The following BCORL1 variants were observed in gnomAD, a reference collection of about 807,000 sequenced individuals.
The protein encoded by BCORL1 is BCL6 corepressor like 1.
A neutral mutation model predicts 87.6 loss-of-function variants in BCORL1; 7 were observed. That is an observed-to-expected ratio of 0.08 (90% confidence interval 0.05 to 0.15). BCORL1 has a LOEUF of 0.15. Ranked by LOEUF, BCORL1 falls within the 10% of genes least tolerant of loss-of-function variation. The pLI is 1.00. For synonymous variants in BCORL1, 591 were observed against 634.4 expected (o/e 0.93, Z 1.03); for missense variants, 1,215 against 1,499.7 (o/e 0.81, Z 3.13).
chrX:130,004,242 T>G (rs899404329), intron 1 of BCORL1, among the ~76,000 whole-genome samples: 5 of 72,770 alleles, frequency 6.9e-5, no homozygotes, highest in South Asian at 6.3e-4. Flanking sequence ...AAATGTGTGG[T>G]TTTTTTTTTT....
chrX:129,985,791 A>T (rs1244501557), intron 1 of BCORL1, among the ~76,000 whole-genome samples: 1 of 111,446 alleles, frequency 9.0e-6, no homozygotes, highest in East Asian at 2.8e-4. Flanking sequence ...ATCCTGACTA[A>T]AATTGACCTT....
chrX:129,986,959 G>C (rs1201835071), intron 1 of BCORL1, among the ~76,000 whole-genome samples: 1 of 111,893 alleles, frequency 8.9e-6, no homozygotes. Context: ...CAGAATTATG[G>C]GAAAAAAGGA....
chrX:129,986,581 G>A (rs1199207735), intron 1 of BCORL1, among the ~76,000 whole-genome samples: 3 of 111,930 alleles, frequency 2.7e-5, no homozygotes, highest in Non-Finnish European at 5.6e-5. Context: ...CAGTTTGGGA[G>A]GCCAAGGCAG....
At chrX:130,041,119 C>T (rs1931279558) in intron 11 of BCORL1, among the ~76,000 whole-genome samples, 1 of 109,937 alleles carries the variant, frequency 9.1e-6, no homozygotes, top group Non-Finnish European at 1.9e-5. Context: ...GCCTGTGATC[C>T]CAGCACTTTG....
intron 4 of BCORL1, among the ~76,000 whole-genome samples, chrX:130,020,447 G>T (rs1399104824): frequency 8.9e-6 from 1 of 111,974 alleles, no homozygotes; most frequent in Non-Finnish European, 1.9e-5. Context: ...TATTTGAATT[G>T]CTCCTGTGTC....
intron 7 of BCORL1, among the ~76,000 whole-genome samples, chrX:130,025,611 C>T (rs1053750054): frequency 5.4e-5 from 6 of 111,031 alleles, no homozygotes; most frequent in African/African-American, 1.6e-4. Flanking sequence ...CCAAGCCCTC[C>T]GGTTTCTTAT....
chrX:129,993,338 A>G (rs1927325537), intron 1 of BCORL1, among the ~76,000 whole-genome samples: 1 of 112,504 alleles, frequency 8.9e-6, no homozygotes, highest in African/African-American at 3.2e-5. Context: ...TTTGAATAAT[A>G]AGAAAAAAGT....
At chrX:130,052,060 G>C in intron 13 of BCORL1, 44 bp downstream of exon 13, 1 of 1,118,909 alleles carries the variant, frequency 8.9e-7, no homozygotes, top group Non-Finnish European at 1.2e-6. Flanking sequence ...TCAGGATCCT[G>C]GCACTCAGTA....
Position 130,028,796 on chromosome X carries a change from G to A in BCORL1, c.4240G>A (p.Glu1414Lys), listed in dbSNP as rs1196447733. 6 of 1,207,160 alleles carry A rather than the reference G, an allele frequency of 5.0e-6. No individual in the cohort carries two copies. The highest frequency in any genetic ancestry group is 1.1e-6 in the Non-Finnish European group (1 of 894,726). The change falls in exon 8 of 14, where the codon GAA becomes AAA. Residue 1414 changes from glutamate to lysine, a missense_variant. Physicochemically the swap from Glu to Lys is moderately conservative, Grantham distance 56 (BLOSUM62 1). This residue lies in a region of BCORL1 where 166 missense variants were observed against 196.5 expected (regional missense o/e 0.84). Transcript: ENST00000540052. ...LEEPACLENS[E>K]KPSGKRKCKT... ...AGAGCCAGCCTGCCTTGAAAATTCAGAAAAGCCATCAGGAAAACGAAAGTG... is the reference window on the plus strand; with the variant it reads ...AGAGCCAGCCTGCCTTGAAAATTCAAAAAAGCCATCAGGAAAACGAAAGTG...
intron 8 of BCORL1, 51 bp downstream of exon 8, chrX:130,028,912 G>T (rs1200323240): frequency 8.2e-6 from 2 of 244,407 alleles, no homozygotes; most frequent in Admixed American, 1.1e-4. Context: ...CGGGGGGTCA[G>T]AGGAGGCAGG....
chrX:129,987,981 G>C (rs1244546685), intron 1 of BCORL1, among the ~76,000 whole-genome samples: 1 of 111,687 alleles, frequency 9.0e-6, no homozygotes, highest in East Asian at 2.8e-4. Context: ...AGAAGCCACT[G>C]ATGATTACAT....
At chrX:130,029,671 T>C (rs746710724) in intron 8 of BCORL1, among the ~76,000 whole-genome samples, 2 of 107,940 alleles carry the variant, frequency 1.9e-5, no homozygotes, top group Admixed American at 2.0e-4. Context: ...CTCTCTCTTT[T>C]TGAGAGTCAC....
At chrX:129,984,178 T>TGCC (rs1216669280) in intron 1 of BCORL1, among the ~76,000 whole-genome samples, 5 of 99,841 alleles carry the variant, frequency 5.0e-5, no homozygotes, top group African/African-American at 1.4e-4. Context: ...CCGCCGCCGC[T>TGCC]GCCGCCGCCG....
Position 130,012,614 on chromosome X carries a change from C to T in BCORL1, c.123C>T (p.Gly41=), listed in dbSNP as rs1412848233. ...APLSDEESTT[G]DCQHFGSQEF... is the part of the protein sequence containing the mutation. ...TTTCTGATGAGGAGTCAACGACAGG[C>T]GACTGCCAGCACTTTGGATCTCAGG... Residue 41 remains glycine (G), a synonymous_variant, in exon 3 of 14, where the codon GGC becomes GGT. Transcript: ENST00000540052. The T allele has an allele frequency of 1.1e-5, 13 of 1,209,945 alleles. No homozygotes were observed. The highest frequency in any genetic ancestry group is 5.9e-5 in the East Asian group (2 of 33,784).
chrX:130,053,576 G>A (rs895944091), intron 13 of BCORL1, among the ~76,000 whole-genome samples: 3 of 112,041 alleles, frequency 2.7e-5, no homozygotes, highest in South Asian at 3.7e-4. Flanking sequence ...GGAGGGCTGC[G>A]TGCCCCTCAG....
At chrX:130,042,026 G>T (rs1187474297) in intron 11 of BCORL1, among the ~76,000 whole-genome samples, 3 of 111,624 alleles carry the variant, frequency 2.7e-5, no homozygotes, top group Non-Finnish European at 5.6e-5. Flanking sequence ...GAGTCTTGCT[G>T]TGTTGCCCAG....
rs1252186063 is a variant in BCORL1 at position 130,051,888 on chromosome X, C to T, written c.4947C>T (p.Leu1649=). 1.7e-6 allele frequency: 2 copies of T among 1,204,170 alleles called. No individual in the cohort carries two copies. The highest frequency in any genetic ancestry group is 2.2e-6 in the Non-Finnish European group (2 of 891,917). Residue 1649 remains leucine (L), a synonymous_variant, in exon 13 of 14, where the codon CTC becomes CTT. Transcript: ENST00000540052. The part of the protein sequence containing the change: ...LEEKDGFACD[L]LHNPPGSSDQ... Reference sequence around the variant, plus strand: ...AAAAAGACGGGTTTGCCTGTGACCTCCTACATAATCCTCCTGGGAGCTCAG... The same window carrying T: ...AAAAAGACGGGTTTGCCTGTGACCTTCTACATAATCCTCCTGGGAGCTCAG...
In BCORL1 at chrX:130,017,643, T is replaced by C. The variant is rs1389031749; in HGVS notation, c.3441+1430T>C. On this transcript the variant is annotated intron_variant, in intron 4 of 13. Coordinates refer to ENST00000540052, the MANE Select transcript of BCORL1 (RefSeq NM_001379451.1). ...ATACCATATTATCTTCCACTCTCTTTTTGTTTTTTTTTTTTTGAGTCAGGG... is the reference window on the plus strand; with the variant it reads ...ATACCATATTATCTTCCACTCTCTTCTTGTTTTTTTTTTTTTGAGTCAGGG... Among the ~76,000 whole-genome samples, 4 of 108,441 alleles carry C rather than the reference T, an allele frequency of 3.7e-5. No homozygotes were observed. The East Asian group carries it at 1.1e-3, about 31-fold the overall frequency. The allele number at this position is 108,441 out of a possible 115,157, so 94.2% of individuals were successfully genotyped here.
intron 2 of BCORL1, chrX:130,010,487 A>C (rs1928859551): frequency 9.4e-6 from 1 of 105,829 alleles, no homozygotes; most frequent in Non-Finnish European, 1.9e-5. Flanking sequence ...CCTTACAGTC[A>C]TTTCTGTTTG....
Sources: allele counts gnomAD v4.1 joint callset (sites outside exome capture counted in the v4.1 genomes callset), GRCh38; gene constraint gnomAD v4.1.1; regional missense constraint gnomAD v4.1.1; transcripts MANE v1.5; gene names NCBI Gene and HGNC (gene_info 2026-07-23, HGNC 2026-07-21).